DHODH: variants seen among roughly 807,000 people sequenced by gnomAD.
DHODH encodes the protein dihydroorotate dehydrogenase (quinone).
In DHODH, 30 loss-of-function variants were observed where a neutral mutation model predicts 39.7. The observed-to-expected ratio is 0.76, with a 90% confidence interval of 0.57 to 1.02. DHODH has a LOEUF of 1.02. DHODH is among the 50% of genes least tolerant of loss of function. The pLI is 0.00. For synonymous variants in DHODH, 222 were observed against 213.8 expected, an observed-to-expected ratio of 1.04 and a Z score of -0.34; for missense variants, 531 against 520.8, an observed-to-expected ratio of 1.02 and a Z score of -0.19.
chr16:72,010,344 C>T (rs1043562578), intron 1 of DHODH, among the ~76,000 whole-genome samples: 1 of 152,142 alleles, frequency 6.6e-6, no homozygotes, highest in African/African-American at 2.4e-5. Flanking sequence ...AGAGAGACCC[C>T]CATCAACTCG....
intron 3 of DHODH, chr16:72,015,847 G>T: frequency 3.0e-6 from 3 of 985,546 alleles, no homozygotes; most frequent in Non-Finnish European, 3.6e-6. Flanking sequence ...CCTCCTGGTT[G>T]TGTGGCATGT....
In DHODH at chr16:72,017,007, G is replaced by A. The variant is rs761725200; in HGVS notation, c.435-17G>A. The stretch of plus-strand genomic sequence containing the variant: ...TGCCGTCTCACTCTGCCCCTCCCGT[G>A]TGCTTGTGCTCTGCAGGTATGGATT... On this transcript the variant is annotated splice_polypyrimidine_tract_variant and intron_variant, in intron 3 of 8. Coordinates refer to ENST00000219240, the MANE Select transcript of DHODH (RefSeq NM_001361.5). 1.2e-6 allele frequency: 2 copies of A among 1,613,158 alleles called. No homozygotes were observed. The highest frequency in any genetic ancestry group is 1.7e-6 in the Non-Finnish European group (2 of 1,179,476).
rs754997733 is a variant in DHODH at position 72,021,331 on chromosome 16, T to C, written c.705+20T>C. Reference sequence around the variant, plus strand: ...ACCAAGGTGGGCAGCTGCACCCCTCTCCAGGCCCTGTCCCACCAGCCTGTC... The same window carrying C: ...ACCAAGGTGGGCAGCTGCACCCCTCCCCAGGCCCTGTCCCACCAGCCTGTC... On this transcript the variant is annotated intron_variant, in intron 5 of 8. Coordinates refer to ENST00000219240, the MANE Select transcript of DHODH (RefSeq NM_001361.5). 1.3e-6 allele frequency: 2 copies of C among 1,584,810 alleles called. No homozygotes were observed. The highest frequency in any genetic ancestry group is 1.7e-6 in the Non-Finnish European group (2 of 1,170,088).
chr16:72,021,250 C>T lies in DHODH; in HGVS notation c.644C>T (p.Pro215Leu). The change falls in exon 5 of 9, where the codon CCC becomes CTC. Residue 215 changes from proline to leucine, a missense_variant. Pro to Leu is a moderately conservative substitution (Grantham distance 98). Coordinates refer to ENST00000219240, the MANE Select transcript of DHODH (RefSeq NM_001361.5). ...ADYLVVNVSS[P>L]NTAGLRSLQG... Reference sequence around the variant, plus strand: ...TACCTGGTGGTGAATGTGTCCAGCCCCAACACTGCCGGGCTGCGGAGCCTT... The same window carrying T: ...TACCTGGTGGTGAATGTGTCCAGCCTCAACACTGCCGGGCTGCGGAGCCTT... 1 of 1,613,022 alleles carries T rather than the reference C, an allele frequency of 6.2e-7. No individual in the cohort carries two copies. The highest frequency in any genetic ancestry group is 8.5e-7 in the Non-Finnish European group (1 of 1,179,730).
intron 6 of DHODH, among the ~76,000 whole-genome samples, chr16:72,022,834 C>T (rs1420279617): frequency 6.6e-6 from 1 of 152,164 alleles, no homozygotes; most frequent in Non-Finnish European, 1.5e-5. Context: ...TGGAAACAGA[C>T]TGAGCCCGGC....
intron 4 of DHODH, among the ~76,000 whole-genome samples, chr16:72,018,285 C>G (rs1310545001): frequency 6.6e-6 from 1 of 152,158 alleles, no homozygotes; most frequent in Non-Finnish European, 1.5e-5. Context: ...ATGTCTTAGT[C>G]TCAGATAGTC....
In DHODH at chr16:72,022,398, A is replaced by T; in HGVS notation, c.742A>T (p.Arg248Trp). 6.4e-7 allele frequency: 1 copy of T among 1,556,524 alleles called. No individual in the cohort carries two copies. The highest frequency in any genetic ancestry group is 8.7e-7 in the Non-Finnish European group (1 of 1,149,856). Residue 248 changes from arginine to tryptophan, a missense_variant, in exon 6 of 9, where the codon AGG (arginine) becomes TGG (tryptophan). Transcript: ENST00000219240. ...QERDGLRRVH[R>W]PAVLVKIAPD... Reference sequence around the variant, plus strand: ...GAGGGATGGCTTGCGGAGAGTGCACAGGCCGGCAGTCCTGGTGAAGATCGC... The same window carrying T: ...GAGGGATGGCTTGCGGAGAGTGCACTGGCCGGCAGTCCTGGTGAAGATCGC...
chr16:72,011,964 G>A (rs1389769963), intron 1 of DHODH, 86 bp from the exon 2 acceptor site: 5 of 1,067,738 alleles, frequency 4.7e-6, no homozygotes, highest in Non-Finnish European at 7.2e-6. Context: ...CTGCCGTTAT[G>A]CCCTCTGTGT....
rs377062884 is a variant in DHODH, at chr16:72,021,078, C to T, written c.518-46C>T. The T allele has an allele frequency of 9.5e-4, 1,474 of 1,547,746 alleles. 2 individuals are homozygous for T. Among genetic ancestry groups the T allele is most frequent in the Non-Finnish European group, 1.1e-3 (1,291 of 1,140,234 alleles). ...TCAAGGGCAGCCTCAGAAGGTGGCA[C>T]AGGAAAGGGTGTGCGGGGTGCAGGC... On this transcript the variant is annotated intron_variant, in intron 4 of 8. Coordinates refer to ENST00000219240, the MANE Select transcript of DHODH (RefSeq NM_001361.5).
rs563765148 is a variant in DHODH, at chr16:72,022,246, T to A, written c.706-116T>A. ...GGCTGGCTTTCCTGAAAAGAAATTG[T>A]TTCTGCTTTAGTTTGATCGCTATTG... On this transcript the variant is annotated intron_variant, in intron 5 of 8. Coordinates refer to ENST00000219240, the MANE Select transcript of DHODH (RefSeq NM_001361.5). 32 of 759,022 alleles carry A rather than the reference T, an allele frequency of 4.2e-5. No homozygotes were observed. The East Asian group carries it at 8.1e-4, about 19-fold the overall frequency. 47.0% of individuals were successfully genotyped at this position (759,022 alleles called of 1,614,324 possible).
intron 4 of DHODH, among the ~76,000 whole-genome samples, chr16:72,020,831 C>T (rs1000868813): frequency 2.0e-5 from 3 of 152,126 alleles, no homozygotes; most frequent in African/African-American, 7.2e-5. Context: ...TTTTGCCCCA[C>T]AAGTATTTGC....
chr16:72,024,022 T>C lies in DHODH; in HGVS notation c.1134-123T>C, dbSNP rs1042699168. On this transcript the variant is annotated intron_variant, in intron 8 of 8. Transcript: ENST00000219240. ...TATCCCTAGGTCTCTGGGTGAAGAG[T>C]GTAGAGGAAACCAGATGTGCCTGGG... 20 of 994,910 alleles carry C rather than the reference T, an allele frequency of 2.0e-5. No individual in the cohort carries two copies. The South Asian group carries it at 2.5e-4, about 12-fold the overall frequency. 61.6% of individuals were successfully genotyped at this position (994,910 alleles called of 1,614,324 possible).
At position 72,012,401 on chromosome 16, in the gene DHODH, T is replaced by C. The variant is rs983664535; in HGVS notation, c.234+139T>C. 8 of 728,524 alleles carry C rather than the reference T, an allele frequency of 1.1e-5. No individual in the cohort carries two copies. In the African/African-American group the frequency reaches 1.4e-4, roughly 13 times the overall value. The allele number at this position is 728,524 out of a possible 1,614,324, so 45.1% of individuals were successfully genotyped here. The stretch of plus-strand genomic sequence containing the variant: ...GATTTGGAATTCAGTCTGAGCATTA[T>C]TATTTTATGTCATGTAATTAGCAAC... On this transcript the variant is annotated intron_variant, in intron 2 of 8. Coordinates refer to ENST00000219240, the MANE Select transcript of DHODH (RefSeq NM_001361.5).
chr16:72,024,301 C>G lies in DHODH; in HGVS notation c.*102C>G, dbSNP rs1597398851. ...GGAGGGACTCCATCTTGAGCCATGT[C>G]CCCCAGCCATGGCATGGCTGCACTG... On this transcript the variant is annotated 3_prime_UTR_variant, in exon 9 of 9. Coordinates refer to ENST00000219240, the MANE Select transcript of DHODH (RefSeq NM_001361.5). 7.6e-7 allele frequency: 1 copy of G among 1,324,450 alleles called. No individual in the cohort carries two copies. Among genetic ancestry groups the G allele is most frequent in the Non-Finnish European group, 1.1e-6 (1 of 925,030 alleles). The allele number at this position is 1,324,450 out of a possible 1,614,324, so 82.0% of individuals were successfully genotyped here. A position where few individuals can be genotyped will look rare whatever the true frequency, so the allele number is the denominator to read the frequency against.
chr16:72,022,570 T>C, intron 6 of DHODH, 95 bp downstream of exon 6: 4 of 980,274 alleles, frequency 4.1e-6, no homozygotes, highest in Admixed American at 2.0e-5. Context: ...TCTTTGTGAT[T>C]TCCTCTCCTT....
At chr16:72,015,705 A>C in intron 3 of DHODH, 1 of 985,360 alleles carries the variant, frequency 1.0e-6, no homozygotes, top group Non-Finnish European at 1.2e-6. Context: ...TATCTTCAGA[A>C]TTGGCCAGGC....
chr16:72,021,906 C>A (rs1003242926), intron 5 of DHODH, among the ~76,000 whole-genome samples: 2 of 152,032 alleles, frequency 1.3e-5, no homozygotes, highest in African/African-American at 4.8e-5. Flanking sequence ...CCAGCCTGGG[C>A]AACTTGGCAA....
chr16:72,018,521 T>G (rs1464608621), intron 4 of DHODH, among the ~76,000 whole-genome samples: 1 of 152,188 alleles, frequency 6.6e-6, no homozygotes, highest in African/African-American at 2.4e-5. Context: ...CCCGCCTTCG[T>G]GCTTGCTTTT....
intron 2 of DHODH, among the ~76,000 whole-genome samples, chr16:72,012,781 C>G (rs111665880): frequency 6.6e-6 from 1 of 152,182 alleles, no homozygotes; most frequent in African/African-American, 2.4e-5. Flanking sequence ...GTTCAGCACA[C>G]GGGCCCTCTC....
Sources: gnomAD v4.1 joint callset for allele counts (sites outside exome capture counted in the v4.1 genomes callset) on GRCh38, gnomAD v4.1.1 for gene constraint, MANE v1.5 for transcripts, NCBI Gene and HGNC (gene_info 2026-07-23, HGNC 2026-07-21) for gene names.